ZNF687: variants seen among roughly 807,000 people sequenced by gnomAD.
ZNF687 encodes the protein zinc finger protein 687.
A neutral mutation model predicts 71.8 loss-of-function variants in ZNF687; 13 were observed. The ratio of observed to expected loss-of-function variants is 0.18; its 90% confidence interval spans 0.12 to 0.29. The LOEUF is 0.29. Among genes scored for constraint, ZNF687 ranks in the 10% least tolerant of loss-of-function variants. The pLI, the probability that ZNF687 is intolerant of heterozygous loss-of-function variation, is 1.00. For synonymous variants in ZNF687, 673 were observed against 641.6 expected, an observed-to-expected ratio of 1.05 and a Z score of -0.74; for missense variants, 1,412 against 1,625.6, an observed-to-expected ratio of 0.87 and a Z score of 2.26.
Position 151,286,260 on chromosome 1 carries a change from TC to T in ZNF687, c.-17-13del. On this transcript the variant is annotated splice_polypyrimidine_tract_variant and intron_variant, in intron 1 of 8. Coordinates refer to ENST00000336715, the MANE Select transcript of ZNF687 (RefSeq NM_020832.3). ...AGACATCTCAGTTTCTCCTCCTCGTTCCTGTTTTCATCAGGTCTGGGATCTG... is the reference window on the plus strand; with the variant it reads ...AGACATCTCAGTTTCTCCTCCTCGTTCTGTTTTCATCAGGTCTGGGATCTG... 6.6e-7 allele frequency: 1 copy of T among 1,517,902 alleles called. No individual in the cohort carries two copies. Among genetic ancestry groups the T allele is most frequent in the Non-Finnish European group, 8.8e-7 (1 of 1,133,860 alleles). 94.0% of individuals were successfully genotyped at this position (1,517,902 alleles called of 1,614,324 possible).
chr1:151,286,249 C>T, intron 1 of ZNF687, 26 bp from the exon 2 acceptor site: 1 of 1,507,850 alleles, frequency 6.6e-7, no homozygotes, highest in Non-Finnish European at 8.9e-7. Flanking sequence ...ATCTCAGTTT[C>T]TCCTCCTCGT....
upstream of ZNF687, chr1:151,281,833 A>G: frequency 5.4e-6 from 2 of 373,230 alleles, no homozygotes; most frequent in African/African-American, 2.1e-5. Flanking sequence ...CTCCGACTCA[A>G]TGCGGTTCTG....
chr1:151,281,758 G>C, upstream of ZNF687: 1 of 386,498 alleles, frequency 2.6e-6, no homozygotes, highest in South Asian at 1.9e-5. Context: ...TGTAACTTCT[G>C]TACGGCATCA....
At position 151,287,276 on chromosome 1, in the gene ZNF687, A is replaced by C. The variant is rs1157015661; in HGVS notation, c.985A>C (p.Lys329Gln). 10 of 1,614,154 alleles carry C rather than the reference A, an allele frequency of 6.2e-6. No homozygotes were observed. The highest frequency in any genetic ancestry group is 8.5e-6 in the Non-Finnish European group (10 of 1,180,024). Reference sequence around the variant, plus strand: ...TGCCTCCAGCTCCTCTAGGCCTCTTAAGGTGCGGATCAAGACCATTAAAAC... The same window carrying C: ...TGCCTCCAGCTCCTCTAGGCCTCTTCAGGTGCGGATCAAGACCATTAAAAC... ...SPASSSSRPL[K>Q]VRIKTIKTSC... is the part of the protein sequence containing the mutation. The change falls in exon 2 of 9, where the codon AAG becomes CAG. Residue 329 changes from lysine (K) to glutamine (Q), a missense_variant. By Grantham distance (53) the Lys-to-Gln change is moderately conservative (BLOSUM62 1). Transcript: ENST00000336715. This position sits in a 1 kb window ranked among gnomAD's most constrained non-coding sequence, Gnocchi z 5.0.
chr1:151,281,581 C>T (rs1424310673), upstream of ZNF687: 7 of 471,214 alleles, frequency 1.5e-5, no homozygotes, highest in Non-Finnish European at 2.2e-5. Context: ...AAATCCCGTG[C>T]CCCGTCCACG....
chr1:151,285,338 C>T (rs984390112), intron 1 of ZNF687: 5 of 152,070 alleles, frequency 3.3e-5, no homozygotes, highest in Non-Finnish European at 7.4e-5. Context: ...TTATTTGGTT[C>T]TATGCTGGGG....
intron 1 of ZNF687, 82 bp downstream of exon 1, chr1:151,282,477 T>G: frequency 1.1e-6 from 1 of 928,846 alleles, no homozygotes; most frequent in Non-Finnish European, 1.3e-6. Context: ...CCTCCCCCAC[T>G]TGGTCAACTA....
chr1:151,289,077 C>T lies in ZNF687; in HGVS notation c.2295-18C>T. ...GATGCCTCCCACCTCACCACAGGGCCTCCTGCTTCCTCCCTAGGTGCCCCA... is the reference window on the plus strand; with the variant it reads ...GATGCCTCCCACCTCACCACAGGGCTTCCTGCTTCCTCCCTAGGTGCCCCA... On this transcript the variant is annotated intron_variant, in intron 3 of 8. Transcript: ENST00000336715. 1 of 1,612,010 alleles carries T rather than the reference C, an allele frequency of 6.2e-7. No homozygotes were observed. The highest frequency in any genetic ancestry group is 1.1e-5 in the South Asian group (1 of 90,924).
chr1:151,287,127 C>T lies in ZNF687; in HGVS notation c.836C>T (p.Pro279Leu), dbSNP rs756277433. The T allele has an allele frequency of 6.2e-7, 1 of 1,614,178 alleles. No individual in the cohort carries two copies. The highest frequency in any genetic ancestry group is 8.5e-7 in the Non-Finnish European group (1 of 1,180,038). Reference sequence around the variant, plus strand: ...AGCCCTCTTGCCTCCCCCAAAGTGCCCGTCTGTCAGCCCTTGAAGGAAGAA... The same window carrying T: ...AGCCCTCTTGCCTCCCCCAAAGTGCTCGTCTGTCAGCCCTTGAAGGAAGAA... The part of the protein sequence containing the change: ...HQSPLASPKV[P>L]VCQPLKEEDD... Residue 279 changes from proline (P) to leucine (L), a missense_variant, in exon 2 of 9, where the codon CCC becomes CTC. Pro to Leu is a moderately conservative substitution (Grantham distance 98, BLOSUM62 -3). Transcript: ENST00000336715. The surrounding 1 kb of genome is among the most constrained non-coding windows in gnomAD (Gnocchi z 5.0).
In ZNF687 at chr1:151,287,152, A is replaced by AGAT. The variant is rs760899845; in HGVS notation, c.870_872dup (p.Asp290dup). ...CCGTCTGTCAGCCCTTGAAGGAAGA[A>AGAT]GATGATGATGAGGGGCCAGTGGACA... On this transcript the variant is annotated inframe_insertion, in exon 2 of 9. Coordinates refer to ENST00000336715, the MANE Select transcript of ZNF687 (RefSeq NM_020832.3). This position sits in a 1 kb window ranked among gnomAD's most constrained non-coding sequence, Gnocchi z 5.0. 9 of 1,614,024 alleles carry AGAT rather than the reference A, an allele frequency of 5.6e-6. No individual in the cohort carries two copies. Among genetic ancestry groups the AGAT allele is most frequent in the Non-Finnish European group, 7.6e-6 (9 of 1,180,022 alleles).
chr1:151,288,576 G>A lies in ZNF687; in HGVS notation c.2164G>A (p.Ala722Thr), dbSNP rs753366594. 2 of 1,613,938 alleles carry A rather than the reference G, an allele frequency of 1.2e-6. No individual in the cohort carries two copies. The highest frequency in any genetic ancestry group is 1.7e-5 in the Admixed American group (1 of 59,988). Residue 722 changes from alanine to threonine, a missense_variant, in exon 3 of 9, where the codon GCC becomes ACC. Around this residue, in one of 8 missense-constraint regions of ZNF687, gnomAD observed 207 missense variants for 239.2 expected, o/e 0.87. Transcript: ENST00000336715. ...GCTCCCCAATCGCTGCAGCTTCAGC[G>A]CCCACCAGCGCATGCATAAGAATCG... The part of the protein sequence containing the change: ...MMLPNRCSFS[A>T]HQRMHKNRPP...
At chr1:151,283,352 C>T in intron 1 of ZNF687, 4 of 969,524 alleles carry the variant, frequency 4.1e-6, no homozygotes, top group Non-Finnish European at 4.9e-6. Flanking sequence ...TGGGCCTGTT[C>T]AGCCTCTTCC....
rs1694159253 is a variant in ZNF687, at chr1:151,290,239, G to A, written c.3077+5G>A. On this transcript the variant is annotated splice_donor_5th_base_variant and intron_variant, in intron 7 of 8. Transcript: ENST00000336715. ...CAAGCGAGTTTACCCCTGCAGGTAAGTCTTGCTCCCCGCTTCCTCTTCCTG... is the reference window on the plus strand; with the variant it reads ...CAAGCGAGTTTACCCCTGCAGGTAAATCTTGCTCCCCGCTTCCTCTTCCTG... The A allele has an allele frequency of 1.2e-6, 2 of 1,613,692 alleles. No homozygotes were observed. Among genetic ancestry groups the A allele is most frequent in the Admixed American group, 1.7e-5 (1 of 60,006 alleles).
chr1:151,281,967 G>A (rs587641596), upstream of ZNF687: 94 of 1,194,636 alleles, frequency 7.9e-5, no homozygotes, highest in African/African-American at 1.3e-3. Flanking sequence ...CCCCCTTCCA[G>A]TAGGCAAGCT....
Position 151,282,303 on chromosome 1 carries a change from A to G in ZNF687, c.-110A>G. 1.0e-6 allele frequency: 1 copy of G among 1,001,760 alleles called. No individual in the cohort carries two copies. Among genetic ancestry groups the G allele is most frequent in the Non-Finnish European group, 1.2e-6 (1 of 837,570 alleles). 62.1% of individuals were successfully genotyped at this position (1,001,760 alleles called of 1,614,324 possible). Reference sequence around the variant, plus strand: ...GAGGCCGAACCGGAGAGAAGCAGGAAGTAGCGGCGGCCGCGGGGAGGGCGG... The same window carrying G: ...GAGGCCGAACCGGAGAGAAGCAGGAGGTAGCGGCGGCCGCGGGGAGGGCGG... On this transcript the variant is annotated 5_prime_UTR_variant, in exon 1 of 9. Coordinates refer to ENST00000336715, the MANE Select transcript of ZNF687 (RefSeq NM_020832.3).
At position 151,289,770 on chromosome 1, in the gene ZNF687, T is replaced by C. The variant is rs1265307460; in HGVS notation, c.2727T>C (p.Ala909=). Residue 909 remains alanine, a synonymous_variant, in exon 6 of 9, where the codon GCT becomes GCC. Transcript: ENST00000336715. The part of the protein sequence containing the change: ...LTPKTEPEEL[A]VSQGGAAPAT... ...CCAAGACTGAGCCTGAGGAGCTGGC[T>C]GTTTCTCAGGGAGGGGCAGCCCCTG... is the stretch of plus-strand genomic sequence containing the variant. 6.4e-7 allele frequency: 1 copy of C among 1,561,144 alleles called. No individual in the cohort carries two copies. The highest frequency in any genetic ancestry group is 8.7e-7 in the Non-Finnish European group (1 of 1,152,070).
Position 151,290,533 on chromosome 1 carries a change from G to A in ZNF687, c.3179G>A (p.Arg1060Gln), listed in dbSNP as rs587678192. The change falls in exon 8 of 9, where the codon CGG becomes CAG. Residue 1060 changes from arginine (R) to glutamine (Q), a missense_variant. Around this residue, in one of 8 missense-constraint regions of ZNF687, gnomAD observed 284 missense variants for 359.2 expected, o/e 0.79. Transcript: ENST00000336715. The part of the protein sequence containing the change: ...GLQLGAQSPG[R>Q]GTTLARGSSA... ...CAGCTTGGGGCCCAGTCCCCTGGCC[G>A]GGGGACCACCTTGGCTCGGGGTTCC... 9.9e-6 allele frequency: 16 copies of A among 1,613,754 alleles called. No individual in the cohort carries two copies. In the African/African-American group the frequency reaches 1.1e-4, roughly 11 times the overall value.
Position 151,287,168 on chromosome 1 carries a change from C to T in ZNF687, c.877C>T (p.Pro293Ser). Reference sequence around the variant, plus strand: ...GAAGGAAGAAGATGATGATGAGGGGCCAGTGGACAAGTCTTCCCCAGGAAG... The same window carrying T: ...GAAGGAAGAAGATGATGATGAGGGGTCAGTGGACAAGTCTTCCCCAGGAAG... Reference protein sequence around the residue: ...PLKEEDDDEGPVDKSSPGSPQ... With the variant: ...PLKEEDDDEGSVDKSSPGSPQ... The change falls in exon 2 of 9, where the codon CCA becomes TCA. Residue 293 changes from proline (P) to serine (S), a missense_variant. Pro to Ser is a moderately conservative substitution (Grantham distance 74, BLOSUM62 -1). Around this residue, in one of 8 missense-constraint regions of ZNF687, gnomAD observed 490 missense variants for 489.9 expected, o/e 1.00. Transcript: ENST00000336715. This position sits in a 1 kb window ranked among gnomAD's most constrained non-coding sequence, Gnocchi z 5.0. 1 of 1,614,174 alleles carries T rather than the reference C, an allele frequency of 6.2e-7. No individual in the cohort carries two copies. The highest frequency in any genetic ancestry group is 8.5e-7 in the Non-Finnish European group (1 of 1,180,032).
At position 151,284,148 on chromosome 1, in the gene ZNF687, A is replaced by AGG. The variant is rs979168141; in HGVS notation, c.-18+1755_-18+1756dup. On this transcript the variant is annotated intron_variant, in intron 1 of 8. Transcript: ENST00000336715. Reference sequence around the variant, plus strand: ...CTACTGTTGCCACAGGAAAATGGAAAGGGTGAGGAGTTAAAGTTAGGGGAT... The same window carrying AGG: ...CTACTGTTGCCACAGGAAAATGGAAAGGGGGTGAGGAGTTAAAGTTAGGGGAT... 9.1e-6 allele frequency: 9 copies of AGG among 985,266 alleles called. No homozygotes were observed. The African/African-American group carries it at 1.6e-4, about 17-fold the overall frequency. The allele number at this position is 985,266 out of a possible 1,614,324, so 61.0% of individuals were successfully genotyped here. A position where few individuals can be genotyped will look rare whatever the true frequency, so the allele number is the denominator to read the frequency against.
Sources: allele counts gnomAD v4.1 joint callset, GRCh38; gene constraint gnomAD v4.1.1; regional missense constraint gnomAD v4.1.1; non-coding constraint Gnocchi (gnomAD v3.1); transcripts MANE v1.5; gene names NCBI Gene and HGNC (gene_info 2026-07-23, HGNC 2026-07-21).